PLB1: variants seen among roughly 807,000 people sequenced by gnomAD.
PLB1 encodes phospholipase B1.
Under a neutral mutation model 227.4 loss-of-function variants are expected in PLB1, and 242 were observed. The ratio of observed to expected loss-of-function variants is 1.06; its 90% confidence interval spans 0.96 to 1.18. PLB1 has a LOEUF of 1.18. Ranked by LOEUF, PLB1 falls within the 50% of genes most tolerant of loss-of-function variation. The pLI is 0.00. For synonymous variants in PLB1, 757 were observed against 682.2 expected (o/e 1.11, Z -1.71); for missense variants, 1,858 against 1,816.3 (o/e 1.02, Z -0.42).
At chr2:28,553,438 G>A (rs999107213) in intron 17 of PLB1, among the ~76,000 whole-genome samples, 2 of 152,162 alleles carry the variant, frequency 1.3e-5, no homozygotes, top group Non-Finnish European at 1.5e-5. Flanking sequence ...TTATGAACGC[G>A]CCATCTTCAC....
At position 28,539,145 on chromosome 2, in the gene PLB1, A is replaced by AG; in HGVS notation, c.667dup (p.Val223GlyfsTer18). 1 of 1,613,988 alleles carries AG rather than the reference A, an allele frequency of 6.2e-7. No individual in the cohort carries two copies. Among genetic ancestry groups the AG allele is most frequent in the Non-Finnish European group, 8.5e-7 (1 of 1,179,856 alleles). ...CTGGTGGACCTCTCTGAGGTTGCAG[A>AG]GGTCTCTCGTCAGTATCACGGCACT... On this transcript the variant is annotated frameshift_variant, in exon 11 of 58. Coordinates refer to ENST00000327757, the MANE Select transcript of PLB1 (RefSeq NM_153021.5). LOFTEE classifies it high-confidence loss of function.
chr2:28,636,019 A>ATGTG (rs540787508), intron 56 of PLB1, among the ~76,000 whole-genome samples: 36,318 of 98,286 alleles, frequency 0.37, 4,554 homozygotes, highest in South Asian at 0.5. Context: ...GTATGTATGA[A>ATGTG]TGTGTGTGTA....
intron 6 of PLB1, among the ~76,000 whole-genome samples, chr2:28,526,398 C>T (rs948786317): frequency 1.3e-5 from 2 of 152,116 alleles, no homozygotes; most frequent in Non-Finnish European, 2.9e-5. Context: ...AAATACAAGA[C>T]ATCAGTTGGG....
At chr2:28,526,724 T>C (rs1207229241) in intron 6 of PLB1, among the ~76,000 whole-genome samples, 1 of 152,164 alleles carries the variant, frequency 6.6e-6, no homozygotes, top group Non-Finnish European at 1.5e-5. Context: ...ATGCAAGTGC[T>C]CTGCTGAGCT....
chr2:28,585,953 C>A, intron 26 of PLB1, 111 bp downstream of exon 26: 1 of 962,926 alleles, frequency 1.0e-6, no homozygotes, highest in Non-Finnish European at 1.6e-6. Flanking sequence ...GGGGGATGAC[C>A]ACTGACTAGT....
rs190545099 is a variant in PLB1, at chr2:28,567,655, A to G, written c.1324+816A>G. On this transcript the variant is annotated intron_variant, in intron 20 of 57. Transcript: ENST00000327757. ...CACCCAGCTAATTTTTGTATTTTTAATAGAGACAGGGTTTCACCATGTTGG... is the reference window on the plus strand; with the variant it reads ...CACCCAGCTAATTTTTGTATTTTTAGTAGAGACAGGGTTTCACCATGTTGG... 2.9e-3 allele frequency among the ~76,000 whole-genome samples: 437 copies of G among 151,662 alleles called. 1 individual carries two copies. The highest frequency in any genetic ancestry group is 0.01 in the African/African-American group (414 of 41,344).
At chr2:28,581,480 C>T (rs1222033793) in intron 23 of PLB1, among the ~76,000 whole-genome samples, 1 of 85,982 alleles carries the variant, frequency 1.2e-5, no homozygotes, top group Admixed American at 1.5e-4. Flanking sequence ...CAGAGCTCCA[C>T]GCAAAAAAAT....
intron 4 of PLB1, 59 bp from the exon 5 acceptor site, chr2:28,525,208 A>T: frequency 6.5e-7 from 1 of 1,547,464 alleles, no homozygotes. Flanking sequence ...TTGCGGTCTA[A>T]CTAGAAGAGG....
chr2:28,579,742 C>A, intron 23 of PLB1, 35 bp downstream of exon 23: 1 of 1,559,932 alleles, frequency 6.4e-7, no homozygotes, highest in Non-Finnish European at 8.8e-7. Flanking sequence ...AGACTCACCC[C>A]CAGAGAAGGA....
intron 23 of PLB1, among the ~76,000 whole-genome samples, chr2:28,581,495 AAATAAAT>A (rs1428825095): frequency 3.7e-4 from 15 of 40,430 alleles, no homozygotes; most frequent in African/African-American, 1.3e-3. Context: ...AAAAATAAAT[AAATAAAT>A]AAATAAATAA....
intron 46 of PLB1, among the ~76,000 whole-genome samples, chr2:28,619,218 C>T (rs1686638549): frequency 6.6e-6 from 1 of 152,088 alleles, no homozygotes. Context: ...TCTGATAGGC[C>T]CCCGTGTGCG....
chr2:28,561,239 A>G (rs974665058), intron 17 of PLB1, among the ~76,000 whole-genome samples: 1 of 152,208 alleles, frequency 6.6e-6, no homozygotes, highest in African/African-American at 2.4e-5. Context: ...GTGGTCTCCA[A>G]AGCACCCAGC....
chr2:28,639,707 C>T (rs746367090), intron 56 of PLB1, among the ~76,000 whole-genome samples: 17 of 152,198 alleles, frequency 1.1e-4, no homozygotes, highest in Non-Finnish European at 5.9e-5. Flanking sequence ...GGGAATCAGC[C>T]GCGCTGACCT....
rs190144924 is a variant in PLB1, at chr2:28,568,774, G to A, written c.1324+1935G>A. Among the ~76,000 whole-genome samples the A allele has an allele frequency of 6.0e-3, 913 of 152,300 alleles. 13 individuals are homozygous for A. Among genetic ancestry groups the A allele is most frequent in the Non-Finnish European group, 4.2e-3 (285 of 68,032 alleles). On this transcript the variant is annotated intron_variant, in intron 20 of 57. Transcript: ENST00000327757. The stretch of plus-strand genomic sequence containing the variant: ...TTAACCCTGTCTTCTGAAAAGGAGC[G>A]TCAAGAATTAGAATTCGTCAGGTAA...
chr2:28,581,327 T>G lies in PLB1; in HGVS notation c.1567-741T>G, dbSNP rs1021228120. Among the ~76,000 whole-genome samples the G allele has an allele frequency of 4.0e-5, 6 of 151,830 alleles. No individual in the cohort carries two copies. The South Asian group carries it at 8.3e-4, about 21-fold the overall frequency. ...GCTCAGTAGCCCCAGACACTGAGGC[T>G]CCAAGAAAAAGAGATCGGGCCATAG... is the stretch of plus-strand genomic sequence containing the variant. On this transcript the variant is annotated intron_variant, in intron 23 of 57. Transcript: ENST00000327757.
chr2:28,515,438 C>G (rs559462275), intron 1 of PLB1, among the ~76,000 whole-genome samples: 18 of 152,332 alleles, frequency 1.2e-4, no homozygotes, highest in African/African-American at 4.3e-4. Flanking sequence ...CACTTCTATG[C>G]CTTCCCGTCA....
At chr2:28,533,402 C>A (rs529978507) in intron 9 of PLB1, among the ~76,000 whole-genome samples, 1 of 152,328 alleles carries the variant, frequency 6.6e-6, no homozygotes, top group South Asian at 2.1e-4. Context: ...GTTCTCTCCA[C>A]AGCCCCCCTT....
chr2:28,499,866 CAG>C (rs1334555377), intron 1 of PLB1, among the ~76,000 whole-genome samples: 1 of 152,078 alleles, frequency 6.6e-6, no homozygotes, highest in Non-Finnish European at 1.5e-5. Flanking sequence ...GCCTGAGTGA[CAG>C]AGCCAGACTC....
chr2:28,552,625 G>A (rs1348538139), intron 16 of PLB1, among the ~76,000 whole-genome samples: 4 of 152,208 alleles, frequency 2.6e-5, no homozygotes, highest in Non-Finnish European at 4.4e-5. Flanking sequence ...AGAGGGTGAG[G>A]AGCAAGTCTG....
Sources: gnomAD v4.1 joint callset for allele counts (sites outside exome capture counted in the v4.1 genomes callset) on GRCh38, gnomAD v4.1.1 for gene constraint, MANE v1.5 for transcripts, NCBI Gene and HGNC (gene_info 2026-07-23, HGNC 2026-07-21) for gene names.